Variants in HDAC4 observed in about 807,000 individuals in gnomAD.
HDAC4 encodes histone deacetylase 4, also known as histone deacetylase A.
HDAC4 carries 16 observed loss-of-function variants against 135.1 expected under a neutral mutation model. The observed-to-expected ratio is 0.12, with a 90% confidence interval of 0.08 to 0.18. The LOEUF is 0.18. Among genes scored for constraint, HDAC4 ranks in the 10% least tolerant of loss-of-function variants. The probability of loss-of-function intolerance (pLI) is 1.00; values close to 1 mark genes in which losing one functional copy is unlikely to be tolerated. For missense variants in HDAC4, 1,143 were observed against 1,511.8 expected (o/e 0.76, Z 4.05); for synonymous variants, 685 against 653.4 (o/e 1.05, Z -0.74).
intron 2 of HDAC4, among the ~76,000 whole-genome samples, chr2:239,255,322 T>G (rs1017681321): frequency 2.6e-5 from 4 of 152,014 alleles, no homozygotes; most frequent in Admixed American, 2.6e-4. Flanking sequence ...TGTGTGTGTG[T>G]GTGTTTCAAA....
chr2:239,074,294 G>T (rs777678987), intron 22 of HDAC4, among the ~76,000 whole-genome samples: 2 of 152,268 alleles, frequency 1.3e-5, no homozygotes, highest in Non-Finnish European at 2.9e-5. Flanking sequence ...TTGTGTGGAC[G>T]CTGTGTCCTT....
chr2:239,193,120 G>T (rs943103321), intron 3 of HDAC4, among the ~76,000 whole-genome samples: 1 of 152,156 alleles, frequency 6.6e-6, no homozygotes. Flanking sequence ...ATCCCTGTGT[G>T]GGGGGCCTGG....
intron 1 of HDAC4, among the ~76,000 whole-genome samples, chr2:239,391,441 G>A (rs920039869): frequency 1.3e-5 from 2 of 152,160 alleles, no homozygotes; most frequent in Non-Finnish European, 2.9e-5. Context: ...TCCAAGGCCC[G>A]GTCAGCAGCA....
Position 239,262,470 on chromosome 2 carries a change from C to G in HDAC4, c.23-25806G>C, listed in dbSNP as rs146234402. 3.3e-5 allele frequency among the ~76,000 whole-genome samples: 5 copies of G among 152,192 alleles called. No individual in the cohort carries two copies. In the South Asian group the frequency reaches 1.0e-3, roughly 31 times the overall value. ...AGATAGAAATTTAATTAGAAACAGA[C>G]GAGGATCTTCTCAAATCACCCTTGC... On this transcript the variant is annotated intron_variant, in intron 2 of 26. Coordinates refer to ENST00000543185, the MANE Select transcript of HDAC4 (RefSeq NM_001378414.1). This position sits in a 1 kb window ranked among gnomAD's most constrained non-coding sequence, Gnocchi z 4.1.
intron 2 of HDAC4, among the ~76,000 whole-genome samples, chr2:239,250,774 C>G (rs1051431912): frequency 6.6e-6 from 1 of 152,200 alleles, no homozygotes; most frequent in African/African-American, 2.4e-5. Context: ...TGTGTTCCAG[C>G]CAGAAGCCCG....
chr2:239,319,475 G>A (rs1208354340), intron 2 of HDAC4, among the ~76,000 whole-genome samples: 2 of 152,238 alleles, frequency 1.3e-5, no homozygotes, highest in Non-Finnish European at 2.9e-5. Flanking sequence ...CGAGCAAGGC[G>A]CCCTGGTCAG....
intron 22 of HDAC4, among the ~76,000 whole-genome samples, chr2:239,074,998 C>A (rs1429454022): frequency 6.6e-6 from 1 of 152,090 alleles, no homozygotes; most frequent in African/African-American, 2.4e-5. Flanking sequence ...CCGAGGCAGG[C>A]GGATCATGAG....
chr2:239,092,246 GA>G (rs11366042), intron 17 of HDAC4, among the ~76,000 whole-genome samples: 35,798 of 129,246 alleles, frequency 0.28, 5,023 homozygotes, highest in African/African-American at 0.41. Flanking sequence ...CTCCAAAGAG[GA>G]AAAAAAAAAA....
chr2:239,286,695 CA>C (rs2051153941), intron 2 of HDAC4, among the ~76,000 whole-genome samples: 1 of 152,072 alleles, frequency 6.6e-6, no homozygotes, highest in Non-Finnish European at 1.5e-5. Flanking sequence ...CTGGGAGCAT[CA>C]AGGACAAAAG....
chr2:239,210,546 C>G (rs78991626), intron 3 of HDAC4, among the ~76,000 whole-genome samples: 2 of 152,150 alleles, frequency 1.3e-5, no homozygotes, highest in South Asian at 2.1e-4. Context: ...ATTTATTACC[C>G]GGCCTGTGAG....
At chr2:239,054,887 T>C in intron 24 of HDAC4, 54 bp from the exon 25 acceptor site, 1 of 1,199,768 alleles carries the variant, frequency 8.3e-7, no homozygotes, top group East Asian at 2.3e-5. Flanking sequence ...CACACGTGCG[T>C]TAGACGGGTG....
chr2:239,374,162 A>T (rs1255183151), intron 1 of HDAC4, among the ~76,000 whole-genome samples: 1 of 152,180 alleles, frequency 6.6e-6, no homozygotes. Context: ...CAGGGCCTGG[A>T]ACTTCAGCCG....
chr2:239,131,171 C>T (rs539152798), intron 11 of HDAC4, among the ~76,000 whole-genome samples: 7 of 152,304 alleles, frequency 4.6e-5, no homozygotes, highest in South Asian at 2.1e-4. Flanking sequence ...CGGAGCGGTG[C>T]GGAAAGGGGC....
intron 3 of HDAC4, among the ~76,000 whole-genome samples, chr2:239,214,896 A>G (rs2153105898): frequency 6.6e-6 from 1 of 152,260 alleles, no homozygotes; most frequent in African/African-American, 2.4e-5. Context: ...CTGAGCCCGG[A>G]GGTTGCCCTG....
At chr2:239,267,120 T>A (rs1460476193) in intron 2 of HDAC4, among the ~76,000 whole-genome samples, 1 of 152,148 alleles carries the variant, frequency 6.6e-6, no homozygotes, top group Non-Finnish European at 1.5e-5. Flanking sequence ...CACCTAGCAC[T>A]CCTGTGGCAC....
intron 24 of HDAC4, 59 bp from the exon 25 acceptor site, chr2:239,054,892 C>T (rs1668579702): frequency 1.3e-5 from 15 of 1,154,804 alleles, no homozygotes; most frequent in East Asian, 7.0e-5. Flanking sequence ...GTGCGTTAGA[C>T]GGGTGTTCCG....
chr2:239,120,686 C>G (rs1415233362), intron 12 of HDAC4, among the ~76,000 whole-genome samples: 1 of 151,890 alleles, frequency 6.6e-6, no homozygotes, highest in African/African-American at 2.4e-5. Context: ...GGGGCTGCCC[C>G]ATCCCAGCAA....
chr2:239,294,050 A>C (rs1476189357), intron 2 of HDAC4, among the ~76,000 whole-genome samples: 1 of 152,148 alleles, frequency 6.6e-6, no homozygotes, highest in Admixed American at 6.5e-5. Flanking sequence ...ATACCCGCCC[A>C]TCGTCTCCCA....
intron 2 of HDAC4, among the ~76,000 whole-genome samples, chr2:239,344,024 A>G (rs556707588): frequency 6.6e-6 from 1 of 152,314 alleles, no homozygotes; most frequent in African/African-American, 2.4e-5. Context: ...GGGTTGACTG[A>G]GCAAGCAAGT....
Sources: gnomAD v4.1 joint callset for allele counts (sites outside exome capture counted in the v4.1 genomes callset) on GRCh38, gnomAD v4.1.1 for gene constraint, Gnocchi (gnomAD v3.1) non-coding constraint, MANE v1.5 for transcripts, NCBI Gene and HGNC (gene_info 2026-07-23, HGNC 2026-07-21) for gene names.